DCLK2: variants seen among roughly 807,000 people sequenced by gnomAD.
The protein encoded by DCLK2 is doublecortin like kinase 2, also known as serine/threonine-protein kinase DCLK2.
In DCLK2, 31 loss-of-function variants were observed where a neutral mutation model predicts 78.4. The observed-to-expected ratio is 0.40, with a 90% confidence interval of 0.30 to 0.53. DCLK2 has a LOEUF of 0.53. Among genes scored for constraint, DCLK2 ranks in the 20% least tolerant of loss-of-function variants. DCLK2 has a pLI of 0.61. For synonymous variants in DCLK2, 407 were observed against 374.9 expected, an observed-to-expected ratio of 1.09 and a Z score of -0.99; for missense variants, 872 against 973.7, an observed-to-expected ratio of 0.90 and a Z score of 1.39.
chr4:150,125,372 G>A (rs575443160), intron 2 of DCLK2, among the ~76,000 whole-genome samples: 53 of 152,052 alleles, frequency 3.5e-4, no homozygotes, highest in African/African-American at 1.2e-3. Flanking sequence ...AATAGACTTG[G>A]CTCTGACTAG....
chr4:150,171,605 T>C (rs1371180635), intron 2 of DCLK2, among the ~76,000 whole-genome samples: 1 of 152,236 alleles, frequency 6.6e-6, no homozygotes, highest in Non-Finnish European at 1.5e-5. Context: ...ATGTCGGGGT[T>C]GAGGGATTGT....
intron 2 of DCLK2, among the ~76,000 whole-genome samples, chr4:150,151,203 A>G (rs909489824): frequency 9.9e-5 from 15 of 152,200 alleles, no homozygotes; most frequent in Admixed American, 8.5e-4. Context: ...CCAGCTATAT[A>G]GGAGGGAGGG....
chr4:150,100,799 A>T (rs1385976712), intron 1 of DCLK2, among the ~76,000 whole-genome samples: 1 of 152,228 alleles, frequency 6.6e-6, no homozygotes. Context: ...AATGATTTAG[A>T]TAAGCCTACA....
Position 150,131,743 on chromosome 4 carries a change from G to T in DCLK2, c.756+28931G>T, listed in dbSNP as rs139591670. Among the ~76,000 whole-genome samples, 472 of 152,192 alleles carry T rather than the reference G, an allele frequency of 3.1e-3. 5 individuals are homozygous for T. Among genetic ancestry groups the T allele is most frequent in the African/African-American group, 9.7e-3 (402 of 41,488 alleles). ...CCTAGGGAGACATTCCCAGACACTG[G>T]TCACTTCCTTGTTGCATCTTGGCAG... On this transcript the variant is annotated intron_variant, in intron 2 of 15. Transcript: ENST00000296550.
chr4:150,160,261 AC>A (rs1735611635), intron 2 of DCLK2, among the ~76,000 whole-genome samples: 2 of 152,000 alleles, frequency 1.3e-5, no homozygotes, highest in Non-Finnish European at 2.9e-5. Flanking sequence ...CAAGCAATCC[AC>A]CTGCCTCGGC....
chr4:150,132,987 C>T (rs1733430336), intron 2 of DCLK2, among the ~76,000 whole-genome samples: 1 of 152,116 alleles, frequency 6.6e-6, no homozygotes, highest in Non-Finnish European at 1.5e-5. Flanking sequence ...TGTTTAAAGC[C>T]ACCATAGTTA....
At chr4:150,221,961 GTTGT>G (rs762745063) in intron 7 of DCLK2, among the ~76,000 whole-genome samples, 176 bp downstream of exon 7, 11,077 of 150,334 alleles carry the variant, frequency 0.074, 499 homozygotes, top group African/African-American at 0.12. Flanking sequence ...CTTTCCTTTT[GTTGT>G]TTGTTTGTTT....
chr4:150,090,053 A>G (rs1275645176), intron 1 of DCLK2, among the ~76,000 whole-genome samples: 7 of 152,236 alleles, frequency 4.6e-5, no homozygotes, highest in African/African-American at 1.4e-4. Flanking sequence ...ACTTAGAAGT[A>G]GTTGTTCAGA....
At chr4:150,104,423 A>AAAAAAAAAAAT (rs1553954755) in intron 2 of DCLK2, among the ~76,000 whole-genome samples, 1 of 141,038 alleles carries the variant, frequency 7.1e-6, no homozygotes, top group Non-Finnish European at 1.6e-5. Context: ...AAAAAAAAAA[A>AAAAAAAAAAAT]TCGAGCATCT....
At chr4:150,110,791 C>T (rs1054129701) in intron 2 of DCLK2, among the ~76,000 whole-genome samples, 1 of 152,118 alleles carries the variant, frequency 6.6e-6, no homozygotes, top group Non-Finnish European at 1.5e-5. Context: ...TAGGTCCATC[C>T]AGGTTGCTGC....
intron 2 of DCLK2, among the ~76,000 whole-genome samples, chr4:150,111,733 G>A (rs897231207): frequency 3.3e-5 from 5 of 152,074 alleles, no homozygotes; most frequent in Non-Finnish European, 7.4e-5. Context: ...TTACTGAAAA[G>A]GGTTTCCTTT....
At chr4:150,247,728 G>T (rs764322870) in intron 13 of DCLK2, 29 bp downstream of exon 13, 1 of 1,585,100 alleles carries the variant, frequency 6.3e-7, no homozygotes, top group South Asian at 1.1e-5. Context: ...TCTGTGGGTT[G>T]TATTACGTTG....
intron 2 of DCLK2, among the ~76,000 whole-genome samples, chr4:150,162,155 C>T (rs1177380252): frequency 6.6e-6 from 1 of 152,138 alleles, no homozygotes; most frequent in Non-Finnish European, 1.5e-5. Flanking sequence ...CTCAGCCTCC[C>T]AAATAGCTGG....
intron 4 of DCLK2, among the ~76,000 whole-genome samples, chr4:150,201,006 C>A (rs940037064): frequency 6.6e-6 from 1 of 151,888 alleles, no homozygotes; most frequent in Non-Finnish European, 1.5e-5. Flanking sequence ...TTAGTGGAGA[C>A]GAGGTTTCGC....
At chr4:150,165,727 ATT>A (rs1182893230) in intron 2 of DCLK2, among the ~76,000 whole-genome samples, 4 of 152,220 alleles carry the variant, frequency 2.6e-5, no homozygotes, top group African/African-American at 4.8e-5. Context: ...ACCTAGGTTC[ATT>A]TTAATTGTTT....
intron 15 of DCLK2, among the ~76,000 whole-genome samples, chr4:150,254,198 G>A (rs555873696): frequency 3.3e-5 from 5 of 152,330 alleles, no homozygotes; most frequent in South Asian, 2.1e-4. Context: ...CGGCGCCTGC[G>A]GTGCAGACTT....
chr4:150,094,160 T>A (rs1730299906), intron 1 of DCLK2, among the ~76,000 whole-genome samples: 1 of 152,160 alleles, frequency 6.6e-6, no homozygotes, highest in Admixed American at 6.5e-5. Context: ...TTCTCAAGTA[T>A]CACACCAAAA....
intron 2 of DCLK2, among the ~76,000 whole-genome samples, chr4:150,149,241 A>T (rs1734715805): frequency 6.6e-6 from 1 of 152,102 alleles, no homozygotes; most frequent in Non-Finnish European, 1.5e-5. Flanking sequence ...TTATTTTAGT[A>T]ATTATGGAGC....
At chr4:150,102,342 A>G in intron 1 of DCLK2, 136 bp from the exon 2 acceptor site, 1 of 753,264 alleles carries the variant, frequency 1.3e-6, no homozygotes, top group Non-Finnish European at 2.1e-6. Flanking sequence ...TGCCAAAGGA[A>G]AAGGGTGAAC....
Sources: allele counts gnomAD v4.1 joint callset (sites outside exome capture counted in the v4.1 genomes callset), GRCh38; gene constraint gnomAD v4.1.1; transcripts MANE v1.5; gene names NCBI Gene and HGNC (gene_info 2026-07-23, HGNC 2026-07-21).